DNAH8: variants seen among roughly 807,000 people sequenced by gnomAD.
The protein encoded by DNAH8 is dynein axonemal heavy chain 8.
Under a neutral mutation model 562.1 loss-of-function variants are expected in DNAH8, and 382 were observed. The ratio of observed to expected loss-of-function variants is 0.68; its 90% CI spans 0.63 to 0.74. The LOEUF is 0.74. Among genes scored for constraint, DNAH8 ranks in the 30% least tolerant of loss-of-function variants. The pLI, the probability that DNAH8 is intolerant of heterozygous loss-of-function variation, is 0.00. For synonymous variants in DNAH8, 1,881 were observed against 1,919.4 expected, an observed-to-expected ratio of 0.98 and a Z score of 0.52; for missense variants, 5,203 against 5,620.4, an observed-to-expected ratio of 0.93 and a Z score of 2.37.
intron 32 of DNAH8, among the ~76,000 whole-genome samples, chr6:38,835,921 G>C (rs1171557766): frequency 1.3e-5 from 2 of 152,122 alleles, no homozygotes. Flanking sequence ...GACTGGTTTG[G>C]AGAGAGGAAG....
At position 38,834,659 on chromosome 6, in the gene DNAH8, TTGTTACATCGACAA is replaced by T; in HGVS notation, c.4365+22_4365+35del. The T allele has an allele frequency of 6.3e-7, 1 of 1,583,574 alleles. No individual in the cohort carries two copies. Among genetic ancestry groups the T allele is most frequent in the Non-Finnish European group, 8.6e-7 (1 of 1,160,324 alleles). On this transcript the variant is annotated intron_variant, in intron 32 of 92. Coordinates refer to ENST00000327475, the MANE Select transcript of DNAH8 (RefSeq NM_001206927.2). ...TATTTCAGGTGAAACCACATTTTTT[TTGTTACATCGACAA>T]TGTGTAATTTAAAAAATTATTTTGG...
intron 31 of DNAH8, among the ~76,000 whole-genome samples, chr6:38,833,110 T>C (rs560234792): frequency 6.6e-6 from 1 of 152,282 alleles, no homozygotes; most frequent in African/African-American, 2.4e-5. Flanking sequence ...AAACTGGTAT[T>C]CTGACTGATA....
At chr6:38,980,234 CA>C (rs1370615902) in intron 85 of DNAH8, among the ~76,000 whole-genome samples, 1 of 152,058 alleles carries the variant, frequency 6.6e-6, no homozygotes, top group Non-Finnish European at 1.5e-5. Context: ...AAAGGGGAGA[CA>C]AAAATAGAAG....
At position 38,832,336 on chromosome 6, in the gene DNAH8, G is replaced by GGACCTA. The variant is rs1335036733; in HGVS notation, c.4205_4210dup (p.Asp1402_Leu1403dup). 6.2e-7 allele frequency: 1 copy of GGACCTA among 1,610,608 alleles called. No individual in the cohort carries two copies. The highest frequency in any genetic ancestry group is 8.5e-7 in the Non-Finnish European group (1 of 1,177,144). ...TTTTATTGTAGGTTTCAGTACAAGA[G>GGACCTA]GACCTAGTTCAAGTGCAGCCAAAGT... On this transcript the variant is annotated inframe_insertion, in exon 31 of 93. Transcript: ENST00000327475.
rs745613099 is a variant in DNAH8, at chr6:39,012,550, C to A, written c.13627C>A (p.Leu4543Ile). Residue 4543 changes from leucine to isoleucine, a missense_variant, in exon 91 of 93, where the codon CTT becomes ATT. Physicochemically the swap from Leu to Ile is conservative, Grantham distance 5. This residue lies in a region of DNAH8 where 1,399 missense variants were observed against 1,518.4 expected (regional missense o/e 0.92). Coordinates refer to ENST00000327475, the MANE Select transcript of DNAH8 (RefSeq NM_001206927.2). ...SSTLGFWFTELLERNAQFSTW... is the reference protein window; with the variant it reads ...SSTLGFWFTEILERNAQFSTW... ...CACACTGGGCTTCTGGTTCACTGAA[C>A]TTTTGGAAAGAAATGCTCAGTTTTC... 1 of 1,613,940 alleles carries A rather than the reference C, an allele frequency of 6.2e-7. No homozygotes were observed. The highest frequency in any genetic ancestry group is 2.2e-5 in the East Asian group (1 of 44,870).
intron 47 of DNAH8, 78 bp downstream of exon 47, chr6:38,866,954 C>A: frequency 1.3e-6 from 1 of 750,096 alleles, no homozygotes; most frequent in Non-Finnish European, 2.2e-6. Context: ...GATAAATACT[C>A]ATCAGTGAGT....
intron 76 of DNAH8, among the ~76,000 whole-genome samples, chr6:38,934,373 A>C (rs1782784695): frequency 6.6e-6 from 1 of 152,052 alleles, no homozygotes; most frequent in Non-Finnish European, 1.5e-5. Context: ...AACAAAACAA[A>C]ACAAAAAACA....
chr6:38,970,545 T>C (rs1763266154), intron 82 of DNAH8, among the ~76,000 whole-genome samples: 1 of 152,200 alleles, frequency 6.6e-6, no homozygotes, highest in Non-Finnish European at 1.5e-5. Context: ...GAATAATCCC[T>C]AATCTTGCAC....
chr6:38,754,424 C>G (rs1765735486), intron 9 of DNAH8, among the ~76,000 whole-genome samples: 1 of 152,110 alleles, frequency 6.6e-6, no homozygotes. Flanking sequence ...AGAAGGTTAA[C>G]TATAAAGTAA....
Position 38,761,771 on chromosome 6 carries a change from C to A in DNAH8, c.1585C>A (p.Gln529Lys). 6.4e-7 allele frequency: 1 copy of A among 1,564,678 alleles called. No individual in the cohort carries two copies. The highest frequency in any genetic ancestry group is 1.2e-5 in the South Asian group (1 of 84,324). The change falls in exon 11 of 93, where the codon CAG (glutamine) becomes AAG (lysine). Residue 529 changes from glutamine (Q) to lysine (K), a missense_variant. Physicochemically the swap from Gln to Lys is moderately conservative, Grantham distance 53 (BLOSUM62 1). This residue lies in a region of DNAH8 where 2,176 missense variants were observed against 2,365.1 expected (regional missense o/e 0.92). Transcript: ENST00000327475. ...TDGGLNHVWDQETPVVLKKIQ... is the reference protein window; with the variant it reads ...TDGGLNHVWDKETPVVLKKIQ... ...TGGAGGATTAAACCATGTATGGGAT[C>A]AGGAAACGCCAGTTGTACTAAAGAA...
intron 14 of DNAH8, among the ~76,000 whole-genome samples, chr6:38,779,393 G>GTC (rs1224484685): frequency 7.9e-5 from 12 of 151,370 alleles, no homozygotes; most frequent in Middle Eastern, 3.4e-3. Flanking sequence ...CTCTCTTTCT[G>GTC]TCTCTCTCTC....
chr6:38,847,553 T>C (rs1236207394), intron 36 of DNAH8, among the ~76,000 whole-genome samples: 1 of 152,092 alleles, frequency 6.6e-6, no homozygotes, highest in Non-Finnish European at 1.5e-5. Flanking sequence ...TATGTACAAC[T>C]CCATTTATAA....
chr6:38,821,277 A>G (rs1047226377), intron 26 of DNAH8, among the ~76,000 whole-genome samples: 4 of 152,240 alleles, frequency 2.6e-5, no homozygotes, highest in Admixed American at 6.5e-5. Flanking sequence ...TACATTTAAC[A>G]GAAGTATAAG....
chr6:38,790,280 C>T lies in DNAH8; in HGVS notation c.2665-9C>T, dbSNP rs184426914. The T allele has an allele frequency of 2.0e-5, 30 of 1,511,758 alleles. No individual in the cohort carries two copies. The highest frequency in any genetic ancestry group is 1.9e-4 in the African/African-American group (14 of 72,500). 93.6% of individuals were successfully genotyped at this position (1,511,758 alleles called of 1,614,324 possible). A position where few individuals can be genotyped will look rare whatever the true frequency, so the allele number is the denominator to read the frequency against. Reference sequence around the variant, plus strand: ...ATAATAGAAGCAGTTGTGTTTTTACCGTTTCTAGGTGGAATCTGTGTTGAG... The same window carrying T: ...ATAATAGAAGCAGTTGTGTTTTTACTGTTTCTAGGTGGAATCTGTGTTGAG... On this transcript the variant is annotated splice_polypyrimidine_tract_variant and intron_variant, in intron 19 of 92. Transcript: ENST00000327475.
At position 38,790,314 on chromosome 6, in the gene DNAH8, T is replaced by C. The variant is rs1197384412; in HGVS notation, c.2690T>C (p.Leu897Pro). 1 of 1,608,278 alleles carries C rather than the reference T, an allele frequency of 6.2e-7. No individual in the cohort carries two copies. Among genetic ancestry groups the C allele is most frequent in the Non-Finnish European group, 8.5e-7 (1 of 1,177,592 alleles). The change falls in exon 20 of 93, where the codon CTC becomes CCC. Residue 897 changes from leucine (L) to proline (P), a missense_variant. Coordinates refer to ENST00000327475, the MANE Select transcript of DNAH8 (RefSeq NM_001206927.2). ...KKVESVLRQG[L>P]TVLTWSSLTL... ...GTGGAATCTGTGTTGAGGCAAGGAC[T>C]CACAGTGTTAACATGGTCGTCTTTA...
chr6:38,755,210 A>G (rs1765803189), intron 9 of DNAH8, among the ~76,000 whole-genome samples: 1 of 152,178 alleles, frequency 6.6e-6, no homozygotes, highest in African/African-American at 2.4e-5. Context: ...CAATCTTACA[A>G]TCCGTGATGT....
At position 38,726,339 on chromosome 6, in the gene DNAH8, C is replaced by G. The variant is rs76128712; in HGVS notation, c.525+2868C>G. ...GGCATCTGCAGAACTGGTAGTCCAA[C>G]TTTAAGTATTTGCCATCTGTATTTC... On this transcript the variant is annotated intron_variant, in intron 3 of 92. Coordinates refer to ENST00000327475, the MANE Select transcript of DNAH8 (RefSeq NM_001206927.2). 3.4e-3 allele frequency among the ~76,000 whole-genome samples: 518 copies of G among 152,308 alleles called. 4 individuals are homozygous for G. The highest frequency in any genetic ancestry group is 0.012 in the African/African-American group (500 of 41,568).
At chr6:38,958,976 A>G (rs1762445416) in intron 82 of DNAH8, among the ~76,000 whole-genome samples, 1 of 152,236 alleles carries the variant, frequency 6.6e-6, no homozygotes, top group South Asian at 2.1e-4. Context: ...GTTTCAAGGT[A>G]CATAAATCAG....
In DNAH8 at chr6:39,018,712, G is replaced by A. The variant is rs551195277; in HGVS notation, c.13714+6075G>A. ...AGGTCACCTGGACTCTTGTGAATGGGCTCCTCATGTCAAACAGTGTGGAAG... is the reference window on the plus strand; with the variant it reads ...AGGTCACCTGGACTCTTGTGAATGGACTCCTCATGTCAAACAGTGTGGAAG... On this transcript the variant is annotated intron_variant, in intron 91 of 92. Coordinates refer to ENST00000327475, the MANE Select transcript of DNAH8 (RefSeq NM_001206927.2). Among the ~76,000 whole-genome samples the A allele has an allele frequency of 7.7e-4, 118 of 152,292 alleles. 1 individual carries two copies. In the Middle Eastern group the frequency reaches 0.014, roughly 18 times the overall value.
Sources: gnomAD v4.1 joint callset for allele counts (sites outside exome capture counted in the v4.1 genomes callset) on GRCh38, gnomAD v4.1.1 for gene constraint, gnomAD v4.1.1 regional missense constraint, MANE v1.5 for transcripts, NCBI Gene and HGNC (gene_info 2026-07-23, HGNC 2026-07-21) for gene names.